TP63: variants seen among roughly 807,000 people sequenced by gnomAD.
The protein encoded by TP63 is tumor protein 63.
Under a neutral mutation model 82.8 loss-of-function variants are expected in TP63, and 17 were observed. That is an observed-to-expected ratio of 0.21 (90% CI 0.14 to 0.31). The LOEUF (loss-of-function observed/expected upper bound fraction) is 0.31. Among genes scored for constraint, TP63 ranks in the 10% least tolerant of loss-of-function variants. The pLI, the probability that TP63 is intolerant of heterozygous loss-of-function variation, is 1.00. For missense variants in TP63, 648 were observed against 895.3 expected (o/e 0.72, Z 3.52); for synonymous variants, 330 against 321.7 (o/e 1.03, Z -0.28).
chr3:189,712,447 T>C (rs1718661731), intron 1 of TP63, among the ~76,000 whole-genome samples: 1 of 152,126 alleles, frequency 6.6e-6, no homozygotes, highest in African/African-American at 2.4e-5. Flanking sequence ...GGCTGGAAAG[T>C]CTTAGATCAA....
intron 4 of TP63, among the ~76,000 whole-genome samples, chr3:189,863,070 G>GT (rs924855072): frequency 6.6e-6 from 1 of 152,220 alleles, no homozygotes; most frequent in African/African-American, 2.4e-5. Context: ...ATTAGTGAGA[G>GT]TTAGGGTGGG....
At chr3:189,609,612 T>C in the TP63 span, among the ~76,000 whole-genome samples, 634 of 152,272 alleles carry the variant, frequency 4.2e-3, 3 homozygotes, top group African/African-American at 0.014. Flanking sequence ...TAGCTCCCCT[T>C]ATAAGTGAGA....
At chr3:189,750,065 A>G (rs1013074642) in intron 3 of TP63, among the ~76,000 whole-genome samples, 19 of 149,490 alleles carry the variant, frequency 1.3e-4, no homozygotes, top group Admixed American at 1.1e-3. Flanking sequence ...TGGAGCTTGC[A>G]GTGAGCTGAG....
chr3:189,875,616 A>ACGTATATATATATATATATATACG (rs1283186870), intron 10 of TP63, among the ~76,000 whole-genome samples: 5 of 108,726 alleles, frequency 4.6e-5, no homozygotes, highest in African/African-American at 2.2e-4. Flanking sequence ...ATATATATAT[A>ACGTATATATATATATATATATACG]TATATATATA....
chr3:189,693,796 G>A (rs956813290), intron 1 of TP63, among the ~76,000 whole-genome samples: 2 of 152,040 alleles, frequency 1.3e-5, no homozygotes, highest in Admixed American at 6.6e-5. Flanking sequence ...ATTAACTCAC[G>A]GTGCCTGGTG....
At chr3:189,821,010 TAATG>T (rs913094423) in intron 4 of TP63, among the ~76,000 whole-genome samples, 3 of 152,220 alleles carry the variant, frequency 2.0e-5, no homozygotes, top group African/African-American at 4.8e-5. Flanking sequence ...TAGGTGGTCT[TAATG>T]AATGAATAAT....
At chr3:189,878,740 T>C (rs1329517180) in intron 10 of TP63, among the ~76,000 whole-genome samples, 2 of 148,036 alleles carry the variant, frequency 1.4e-5, no homozygotes, top group East Asian at 2.0e-4. Flanking sequence ...CAGTTTACTT[T>C]TGAATTTCAT....
intron 4 of TP63, among the ~76,000 whole-genome samples, chr3:189,831,818 CTTTTTTT>C (rs1156431272): frequency 1.2e-4 from 9 of 73,168 alleles, no homozygotes; most frequent in African/African-American, 4.5e-4. Flanking sequence ...CTATTATGCT[CTTTTTTT>C]TTTTTTTTTT....
chr3:189,856,938 A>G (rs1282643693), intron 4 of TP63, among the ~76,000 whole-genome samples: 1 of 152,108 alleles, frequency 6.6e-6, no homozygotes, highest in Non-Finnish European at 1.5e-5. Flanking sequence ...TTGCTAAGGT[A>G]TCAGTTCTCC....
At chr3:189,696,901 T>G (rs1281169514) in intron 1 of TP63, among the ~76,000 whole-genome samples, 1 of 152,158 alleles carries the variant, frequency 6.6e-6, no homozygotes, top group Non-Finnish European at 1.5e-5. Flanking sequence ...ATTGTTGAAT[T>G]TTAAGAGTTC....
At chr3:189,815,147 GT>G (rs1316675788) in intron 4 of TP63, among the ~76,000 whole-genome samples, 1 of 150,470 alleles carries the variant, frequency 6.6e-6, no homozygotes, top group Non-Finnish European at 1.5e-5. Context: ...AGTTAATTTG[GT>G]TTTGTAGGTA....
chr3:189,879,757 C>T (rs1356976060), intron 10 of TP63, among the ~76,000 whole-genome samples: 1 of 151,868 alleles, frequency 6.6e-6, no homozygotes, highest in Non-Finnish European at 1.5e-5. Flanking sequence ...AATATGTTTT[C>T]CTGGATGCCA....
At chr3:189,670,950 A>G (rs1714835429) in intron 1 of TP63, among the ~76,000 whole-genome samples, 1 of 152,100 alleles carries the variant, frequency 6.6e-6, no homozygotes, top group Non-Finnish European at 1.5e-5. Flanking sequence ...AACATGATAA[A>G]TGCTTTAGGA....
intron 3 of TP63, among the ~76,000 whole-genome samples, chr3:189,754,775 G>A (rs77128979): frequency 5.5e-4 from 84 of 152,004 alleles, no homozygotes; most frequent in African/African-American, 2.0e-3. Context: ...CTCTTCCTAC[G>A]TTGGTCTCTA....
At chr3:189,798,966 C>A (rs887303575) in intron 3 of TP63, among the ~76,000 whole-genome samples, 3 of 152,004 alleles carry the variant, frequency 2.0e-5, no homozygotes, top group Non-Finnish European at 4.4e-5. Context: ...TTAATTATCT[C>A]AAATATAACT....
At chr3:189,727,738 G>C (rs1200666646) in intron 1 of TP63, among the ~76,000 whole-genome samples, 1 of 152,098 alleles carries the variant, frequency 6.6e-6, no homozygotes, top group East Asian at 1.9e-4. Flanking sequence ...GTTCACAGTT[G>C]TGTAAAACCC....
the TP63 span, among the ~76,000 whole-genome samples, chr3:189,610,952 A>G: frequency 6.6e-6 from 1 of 152,132 alleles, no homozygotes; most frequent in African/African-American, 2.4e-5. Flanking sequence ...CCCTTATAGC[A>G]CTGTCAGATC....
At chr3:189,869,231 A>G in intron 8 of TP63, 93 bp from the exon 9 acceptor site, 1 of 974,440 alleles carries the variant, frequency 1.0e-6, no homozygotes, top group Non-Finnish European at 1.6e-6. Context: ...ATTAAATCTG[A>G]TTAACATTAA....
At chr3:189,753,007 A>G (rs1721934611) in intron 3 of TP63, among the ~76,000 whole-genome samples, 1 of 152,126 alleles carries the variant, frequency 6.6e-6, no homozygotes, top group Admixed American at 6.6e-5. Flanking sequence ...CAGAAAATAT[A>G]CTTTGTATGA....
Sources: allele counts gnomAD v4.1 joint callset (sites outside exome capture counted in the v4.1 genomes callset), GRCh38; gene constraint gnomAD v4.1.1; transcripts MANE v1.5; gene names NCBI Gene and HGNC (gene_info 2026-07-23, HGNC 2026-07-21).